The following RNF24 variants were observed in gnomAD, a reference collection of about 807,000 sequenced individuals.
RNF24 encodes the protein ring finger protein 24.
In RNF24, 14 loss-of-function variants were observed where a neutral mutation model predicts 20.0. The ratio of observed to expected loss-of-function variants is 0.70; its 90% CI spans 0.46 to 1.10. The LOEUF is 1.10. Ranked by LOEUF, RNF24 falls within the 50% of genes least tolerant of loss-of-function variation. The pLI, the probability that RNF24 is intolerant of heterozygous loss-of-function variation, is 0.00. For missense variants in RNF24, 124 were observed against 177.6 expected, an observed-to-expected ratio of 0.70 and a Z score of 1.71; for synonymous variants, 45 against 61.1, an observed-to-expected ratio of 0.74 and a Z score of 1.23.
intron 1 of RNF24, among the ~76,000 whole-genome samples, chr20:3,981,204 T>C (rs1802029429): frequency 6.6e-6 from 1 of 152,176 alleles, no homozygotes; most frequent in Non-Finnish European, 1.5e-5. Context: ...TTCATGATTT[T>C]GCCTTCTACC....
At chr20:3,998,779 A>AAT (rs1555802086) in intron 1 of RNF24, among the ~76,000 whole-genome samples, 20,887 of 125,044 alleles carry the variant, frequency 0.17, 1,589 homozygotes, top group Non-Finnish European at 0.22. Context: ...AAATTAAAAA[A>AAT]AATAAATAAT....
intron 1 of RNF24, among the ~76,000 whole-genome samples, chr20:3,986,511 C>T (rs1334237874): frequency 6.6e-6 from 1 of 152,174 alleles, no homozygotes; most frequent in East Asian, 1.9e-4. Context: ...CCTGCCTTGG[C>T]CTCCCAAAGT....
chr20:3,997,902 T>A (rs1981020136), intron 1 of RNF24, among the ~76,000 whole-genome samples: 1 of 152,224 alleles, frequency 6.6e-6, no homozygotes, highest in African/African-American at 2.4e-5. Context: ...TCAGCACTAA[T>A]TAAGTATCGC....
intron 1 of RNF24, among the ~76,000 whole-genome samples, chr20:3,976,301 T>G (rs1382528406): frequency 6.6e-6 from 1 of 152,102 alleles, no homozygotes; most frequent in Non-Finnish European, 1.5e-5. Context: ...ATTAGGGAAA[T>G]AGAAATTAAA....
chr20:3,927,429 T>C lies in RNF24; in HGVS notation c.*6634A>G, dbSNP rs1460341555. The stretch of plus-strand genomic sequence containing the variant: ...AATAGCAATTAAATATACAAAAATA[T>C]AGCTTACAAAAAACTGCGAATGTTT... On this transcript the variant is annotated 3_prime_UTR_variant, in exon 6 of 6. Coordinates refer to ENST00000358395, the MANE Select transcript of RNF24 (RefSeq NM_001134337.3). The C allele has an allele frequency of 6.6e-6, 1 of 152,190 alleles. No homozygotes were observed. Among genetic ancestry groups the C allele is most frequent in the Non-Finnish European group, 1.5e-5 (1 of 68,042 alleles). 9.4% of individuals were successfully genotyped at this position (152,190 alleles called of 1,614,324 possible).
At chr20:3,973,689 A>C (rs1978596031) in intron 1 of RNF24, among the ~76,000 whole-genome samples, 1 of 152,102 alleles carries the variant, frequency 6.6e-6, no homozygotes, top group African/African-American at 2.4e-5. Context: ...ACAAAAACTC[A>C]CCCAATATAA....
chr20:3,961,345 G>A (rs889544203), intron 2 of RNF24, among the ~76,000 whole-genome samples: 2 of 150,984 alleles, frequency 1.3e-5, no homozygotes, highest in African/African-American at 4.9e-5. Flanking sequence ...AGGCTTTGGT[G>A]AGCCTCATGT....
intron 2 of RNF24, 86 bp downstream of exon 2, chr20:3,963,789 T>G: frequency 8.2e-7 from 1 of 1,215,150 alleles, no homozygotes. Flanking sequence ...ATTATCATAC[T>G]TCATTTTAAA....
chr20:4,012,397 A>G (rs1427421901), intron 1 of RNF24, among the ~76,000 whole-genome samples: 1 of 151,572 alleles, frequency 6.6e-6, no homozygotes, highest in African/African-American at 2.4e-5. Flanking sequence ...AGCCTAGGGG[A>G]CAGGGTGAGA....
Position 3,929,455 on chromosome 20 carries a change from G to C in RNF24, c.*4608C>G, listed in dbSNP as rs2090787166. The C allele has an allele frequency of 6.6e-6, 1 of 152,272 alleles. No individual in the cohort carries two copies. The highest frequency in any genetic ancestry group is 2.1e-4 in the South Asian group (1 of 4,836). 9.4% of individuals were successfully genotyped at this position (152,272 alleles called of 1,614,324 possible). On this transcript the variant is annotated 3_prime_UTR_variant, in exon 6 of 6. Transcript: ENST00000358395. ...TCCATGAACTGACGCTGGACATTCA[G>C]GCATATCCACATGAGACTCACTGTG... is the stretch of plus-strand genomic sequence containing the variant.
At position 4,008,344 on chromosome 20, in the gene RNF24, T is replaced by TATATA. The variant is rs1285602587; in HGVS notation, c.-8+7092_-8+7093insTATAT. Reference sequence around the variant, plus strand: ...TATTATATATATAATATATATATTATACATGTAATATGTATAATATATATA... The same window carrying TATATA: ...TATTATATATATAATATATATATTATATATAACATGTAATATGTATAATATATATA... On this transcript the variant is annotated intron_variant, in intron 1 of 5. Transcript: ENST00000358395. 1.6e-3 allele frequency among the ~76,000 whole-genome samples: 145 copies of TATATA among 89,826 alleles called. 2 individuals carry two copies. Among genetic ancestry groups the TATATA allele is most frequent in the African/African-American group, 6.9e-3 (140 of 20,390 alleles). 58.9% of individuals were successfully genotyped at this position (89,826 alleles called of 152,430 possible). A position where few individuals can be genotyped will look rare whatever the true frequency, so the allele number is the denominator to read the frequency against.
intron 2 of RNF24, among the ~76,000 whole-genome samples, chr20:3,950,340 GAC>G (rs1449595533): frequency 6.6e-6 from 1 of 152,166 alleles, no homozygotes; most frequent in East Asian, 1.9e-4. Context: ...GATATGCAGA[GAC>G]AGACGGAAAA....
chr20:3,958,974 T>G (rs1156870348), intron 2 of RNF24, among the ~76,000 whole-genome samples: 1 of 152,156 alleles, frequency 6.6e-6, no homozygotes, highest in Non-Finnish European at 1.5e-5. Flanking sequence ...CTATCCCTTC[T>G]CAGTCTCTTT....
At chr20:3,966,497 T>TGTGTGTGTGTGTGTGC in intron 1 of RNF24, among the ~76,000 whole-genome samples, 1 of 151,694 alleles carries the variant, frequency 6.6e-6, no homozygotes, top group East Asian at 1.9e-4. Flanking sequence ...TGTGTGTGTG[T>TGTGTGTGTGTGTGTGC]GTGTGTGTGT....
chr20:3,946,958 C>T (rs1349634932), intron 3 of RNF24, among the ~76,000 whole-genome samples: 2 of 151,930 alleles, frequency 1.3e-5, no homozygotes, highest in African/African-American at 2.4e-5. Context: ...TTTGGGAGGC[C>T]GAGGTGGGTG....
rs186874118 is a variant in RNF24 at position 3,954,853 on chromosome 20, C to T, written c.144-6574G>A. On this transcript the variant is annotated intron_variant, in intron 2 of 5. Transcript: ENST00000358395. ...GGCAGAGATTGCAGTGAGCCGAGATCGCGCCATTGCACTCTAGCCCGGGTG... is the reference window on the plus strand; with the variant it reads ...GGCAGAGATTGCAGTGAGCCGAGATTGCGCCATTGCACTCTAGCCCGGGTG... 3.3e-3 allele frequency among the ~76,000 whole-genome samples: 502 copies of T among 151,392 alleles called. 4 individuals carry two copies. Among genetic ancestry groups the T allele is most frequent in the African/African-American group, 0.012 (483 of 41,158 alleles).
chr20:3,962,802 C>T (rs1163851597), intron 2 of RNF24, among the ~76,000 whole-genome samples: 1 of 151,736 alleles, frequency 6.6e-6, no homozygotes, highest in Admixed American at 6.6e-5. Flanking sequence ...TCTCTCCCTC[C>T]CGGGTTCAAG....
chr20:4,007,789 G>A (rs934262349), intron 1 of RNF24, among the ~76,000 whole-genome samples: 2 of 151,270 alleles, frequency 1.3e-5, no homozygotes, highest in Admixed American at 6.6e-5. Flanking sequence ...GCTGGTGTGT[G>A]CCTGTGGTCG....
intron 1 of RNF24, among the ~76,000 whole-genome samples, chr20:3,970,034 G>C (rs190932030): frequency 2.6e-4 from 40 of 152,198 alleles, no homozygotes; most frequent in Admixed American, 4.6e-4. Flanking sequence ...AGTGATATCA[G>C]TAGAGACTAC....
Sources: allele counts gnomAD v4.1 joint callset (sites outside exome capture counted in the v4.1 genomes callset), GRCh38; gene constraint gnomAD v4.1.1; transcripts MANE v1.5; gene names NCBI Gene and HGNC (gene_info 2026-07-23, HGNC 2026-07-21).